NAV2: variants seen among roughly 807,000 people sequenced by gnomAD.
NAV2 encodes helicase, APC down-regulated 1.
NAV2 carries 54 observed loss-of-function variants against 223.2 expected under a neutral mutation model. That is an observed-to-expected ratio of 0.24 (90% CI 0.19 to 0.30). The LOEUF is 0.30. Ranked by LOEUF, NAV2 falls within the 10% of genes least tolerant of loss-of-function variation. The probability of loss-of-function intolerance (pLI) is 1.00; values close to 1 mark genes in which losing one functional copy is unlikely to be tolerated. For missense variants in NAV2, 2,806 were observed against 3,147.5 expected, an observed-to-expected ratio of 0.89 and a Z score of 2.60; for synonymous variants, 1,279 against 1,239.3, an observed-to-expected ratio of 1.03 and a Z score of -0.67.
chr11:19,773,514 C>T (rs1399802516), intron 1 of NAV2, among the ~76,000 whole-genome samples: 1 of 152,134 alleles, frequency 6.6e-6, no homozygotes, highest in Non-Finnish European at 1.5e-5. Flanking sequence ...AGGCACCAGA[C>T]CACACTTCAG....
intron 1 of NAV2, among the ~76,000 whole-genome samples, chr11:19,483,787 C>A (rs561347050): frequency 2.0e-5 from 3 of 152,092 alleles, no homozygotes; most frequent in Non-Finnish European, 4.4e-5. Flanking sequence ...TTTCAGGCAA[C>A]CACTGGGGGT....
chr11:19,496,571 A>T (rs1032134421), intron 1 of NAV2, among the ~76,000 whole-genome samples: 1 of 152,196 alleles, frequency 6.6e-6, no homozygotes, highest in Non-Finnish European at 1.5e-5. Flanking sequence ...AACAAGGCAG[A>T]TGCCCCAGTG....
intron 1 of NAV2, among the ~76,000 whole-genome samples, chr11:19,810,207 CTTGGTCAGCT>C (rs1397417253): frequency 6.6e-6 from 1 of 152,262 alleles, no homozygotes; most frequent in South Asian, 2.1e-4. Flanking sequence ...TTATTTTGAG[CTTGGTCAGCT>C]TTGGCCATTG....
At chr11:20,076,743 C>T (rs1034256097) in intron 22 of NAV2, among the ~76,000 whole-genome samples, 1 of 152,170 alleles carries the variant, frequency 6.6e-6, no homozygotes, top group Admixed American at 6.5e-5. Flanking sequence ...CCACATTTCC[C>T]CATTCTTAAA....
intron 1 of NAV2, among the ~76,000 whole-genome samples, chr11:19,555,564 A>G (rs1379609820): frequency 6.6e-6 from 1 of 152,192 alleles, no homozygotes; most frequent in Admixed American, 6.5e-5. Context: ...GGCCTTATTG[A>G]AGGTCAATGT....
chr11:19,978,084 C>T (rs1054537702), intron 10 of NAV2, among the ~76,000 whole-genome samples: 1 of 151,946 alleles, frequency 6.6e-6, no homozygotes, highest in Non-Finnish European at 1.5e-5. Flanking sequence ...CTCAGCCTCC[C>T]AAAGTGCTGG....
chr11:19,464,175 C>T (rs551792709), intron 1 of NAV2, among the ~76,000 whole-genome samples: 6 of 152,280 alleles, frequency 3.9e-5, no homozygotes, highest in African/African-American at 1.2e-4. Flanking sequence ...GTTTCCATCA[C>T]GAGCTGACTG....
intron 7 of NAV2, among the ~76,000 whole-genome samples, chr11:19,937,060 C>T (rs1012386846): frequency 6.6e-6 from 1 of 152,134 alleles, no homozygotes; most frequent in East Asian, 1.9e-4. Flanking sequence ...ATCCCTTGAA[C>T]CTGGGAAGCG....
intron 1 of NAV2, among the ~76,000 whole-genome samples, chr11:19,391,240 G>C (rs77181120): frequency 0.01 from 1,585 of 152,096 alleles, 18 homozygotes; most frequent in Non-Finnish European, 0.018. Flanking sequence ...GAGCCCCTCT[G>C]ACCTGCCTCT....
Position 19,814,056 on chromosome 11 carries a change from C to T in NAV2, c.268-18428C>T, listed in dbSNP as rs567181038. On this transcript the variant is annotated intron_variant, in intron 1 of 37. Coordinates refer to ENST00000349880, the MANE Select transcript of NAV2 (RefSeq NM_145117.5). ...GTGCTGCTTTTTTGTTTCATATGTCCGCCCAGGGTGAGGGCTGGGTGGTGT... is the reference window on the plus strand; with the variant it reads ...GTGCTGCTTTTTTGTTTCATATGTCTGCCCAGGGTGAGGGCTGGGTGGTGT... 7.2e-5 allele frequency among the ~76,000 whole-genome samples: 11 copies of T among 152,196 alleles called. No homozygotes were observed. In the South Asian group the frequency reaches 8.3e-4, roughly 11 times the overall value.
intron 1 of NAV2, among the ~76,000 whole-genome samples, chr11:19,719,322 A>T (rs1006922102): frequency 6.6e-6 from 1 of 152,176 alleles, no homozygotes; most frequent in Non-Finnish European, 1.5e-5. Context: ...CGGTCTGTGC[A>T]TTTTTTGTGA....
intron 37 of NAV2, among the ~76,000 whole-genome samples, chr11:20,115,623 C>A (rs181290122): frequency 1.1e-3 from 122 of 114,528 alleles, no homozygotes; most frequent in African/African-American, 4.3e-3. Flanking sequence ...CAGAGCAAGA[C>A]TCCGTCTCAA....
chr11:19,387,876 T>G (rs1331440275), intron 1 of NAV2, among the ~76,000 whole-genome samples: 2 of 152,234 alleles, frequency 1.3e-5, no homozygotes, highest in Non-Finnish European at 2.9e-5. Context: ...TGTGGTTCCC[T>G]TCTATGAATC....
At chr11:19,981,765 G>T (rs1421911760) in intron 10 of NAV2, among the ~76,000 whole-genome samples, 2 of 152,194 alleles carry the variant, frequency 1.3e-5, no homozygotes, top group African/African-American at 4.8e-5. Context: ...CTGTAGGATG[G>T]ATGCCCATAA....
At chr11:19,896,948 G>T (rs1177883570) in intron 6 of NAV2, among the ~76,000 whole-genome samples, 1 of 152,056 alleles carries the variant, frequency 6.6e-6, no homozygotes, top group South Asian at 2.1e-4. Context: ...GTTTATTGCG[G>T]CACTATTCAC....
intron 3 of NAV2, among the ~76,000 whole-genome samples, chr11:19,858,467 G>C (rs138336786): frequency 6.6e-6 from 1 of 152,164 alleles, no homozygotes; most frequent in Non-Finnish European, 1.5e-5. Flanking sequence ...CCTTTGATGC[G>C]TTGCACACTT....
intron 12 of NAV2, among the ~76,000 whole-genome samples, chr11:20,040,694 A>T (rs2056836081): frequency 6.6e-6 from 1 of 152,176 alleles, no homozygotes; most frequent in African/African-American, 2.4e-5. Context: ...GACTTCCAAG[A>T]ACAGGCAGAA....
chr11:19,536,921 C>T (rs116907857), intron 1 of NAV2, among the ~76,000 whole-genome samples: 155 of 152,312 alleles, frequency 1.0e-3, no homozygotes, highest in Non-Finnish European at 1.9e-3. Context: ...TTTCCATTGA[C>T]AAGAATTATA....
chr11:19,392,225 C>A (rs1849277328), intron 1 of NAV2, among the ~76,000 whole-genome samples: 1 of 152,186 alleles, frequency 6.6e-6, no homozygotes. Flanking sequence ...ATGAATTAAT[C>A]AATCCAAGCC....
Sources: allele counts gnomAD v4.1 joint callset (sites outside exome capture counted in the v4.1 genomes callset), GRCh38; gene constraint gnomAD v4.1.1; transcripts MANE v1.5; gene names NCBI Gene and HGNC (gene_info 2026-07-23, HGNC 2026-07-21).